The following COL4A4 variants were observed in gnomAD, a reference collection of about 807,000 sequenced individuals.
COL4A4 encodes collagen type IV alpha 4 chain, also known as collagen alpha-4(IV) chain.
COL4A4 carries 105 observed loss-of-function variants against 192.9 expected under a neutral mutation model. That is an observed-to-expected ratio of 0.54 (90% CI 0.46 to 0.64). The LOEUF (loss-of-function observed/expected upper bound fraction) is 0.64. COL4A4 is among the 30% of genes least tolerant of loss of function. COL4A4 has a pLI of 0.00. For missense variants in COL4A4, 1,967 were observed against 2,169.3 expected (o/e 0.91, Z 1.85); for synonymous variants, 762 against 769.9 (o/e 0.99, Z 0.17).
At position 227,050,858 on chromosome 2, in the gene COL4A4, A is replaced by G. The variant is rs943807249; in HGVS notation, c.3150+119T>C. ...ATTTTCTCCTTGAGCTACACCTTAC[A>G]TTCTAAAAGCCAGTGAAAGGGCAAT... On this transcript the variant is annotated intron_variant, in intron 33 of 47. Coordinates refer to ENST00000396625, the MANE Select transcript of COL4A4 (RefSeq NM_000092.5). 1.6e-5 allele frequency: 19 copies of G among 1,206,490 alleles called. No individual in the cohort carries two copies. In the African/African-American group the frequency reaches 2.1e-4, roughly 13 times the overall value. 74.7% of individuals were successfully genotyped at this position (1,206,490 alleles called of 1,614,324 possible). A position where few individuals can be genotyped will look rare whatever the true frequency, so the allele number is the denominator to read the frequency against.
the COL4A4 span, chr2:226,969,195 C>T: frequency 6.6e-6 from 1 of 152,210 alleles, no homozygotes; most frequent in Non-Finnish European, 1.5e-5. Flanking sequence ...TGATAAAAAC[C>T]GAAGGCTCGG....
rs771245112 is a variant in COL4A4 at position 227,088,717 on chromosome 2, G to A, written c.1559C>T (p.Pro520Leu). ...RQGSKGDLGLPGWLGTKGDPG... is the reference protein window; with the variant it reads ...RQGSKGDLGLLGWLGTKGDPG... ...GTCACCTTTTGTTCCAAGCCAGCCA[G>A]GGAGCCCCAAGTCTCCCTTACTCCC... Residue 520 changes from proline (P) to leucine (L), a missense_variant, in exon 22 of 48, where the codon CCT becomes CTT. Coordinates refer to ENST00000396625, the MANE Select transcript of COL4A4 (RefSeq NM_000092.5). The A allele has an allele frequency of 4.3e-6, 7 of 1,614,152 alleles. No individual in the cohort carries two copies. The highest frequency in any genetic ancestry group is 8.5e-7 in the Non-Finnish European group (1 of 1,180,018).
At chr2:227,020,717 G>A (rs373017023) in intron 44 of COL4A4, among the ~76,000 whole-genome samples, 153 of 152,178 alleles carry the variant, frequency 1.0e-3, no homozygotes, top group African/African-American at 3.7e-3. Flanking sequence ...CCTTTTCAAA[G>A]AATTTGCCCA....
Position 227,005,929 on chromosome 2 carries a change from CT to C in COL4A4, c.*1395del, listed in dbSNP as rs1014795544. 6.6e-6 allele frequency: 1 copy of C among 152,142 alleles called. No homozygotes were observed. The highest frequency in any genetic ancestry group is 2.4e-5 in the African/African-American group (1 of 41,428). 9.4% of individuals were successfully genotyped at this position (152,142 alleles called of 1,614,324 possible). On this transcript the variant is annotated 3_prime_UTR_variant, in exon 48 of 48. Transcript: ENST00000396625. ...TTCCTAGCAAAACAGAAAAAGGGATCTTTTGCTTTACAGAAAAAAATAATCA... is the reference window on the plus strand; with the variant it reads ...TTCCTAGCAAAACAGAAAAAGGGATCTTTGCTTTACAGAAAAAAATAATCA...
At chr2:227,088,139 CT>C (rs1040989509) in intron 22 of COL4A4, among the ~76,000 whole-genome samples, 3 of 152,198 alleles carry the variant, frequency 2.0e-5, no homozygotes, top group Non-Finnish European at 2.9e-5. Context: ...AGTAAATAAA[CT>C]GTTTTTGCAG....
intron 4 of COL4A4, among the ~76,000 whole-genome samples, chr2:227,127,714 C>T (rs1404873258): frequency 1.3e-5 from 2 of 152,108 alleles, no homozygotes; most frequent in Non-Finnish European, 2.9e-5. Context: ...TCTAAGAAAT[C>T]GTTTGTCATT....
intron 16 of COL4A4, 104 bp from the exon 17 acceptor site, chr2:227,101,661 A>T: frequency 8.1e-7 from 1 of 1,232,746 alleles, no homozygotes; most frequent in Non-Finnish European, 1.2e-6. Context: ...GAGACCATGC[A>T]AAGTCTTAAC....
intron 27 of COL4A4, 78 bp downstream of exon 27, chr2:227,060,058 C>G: frequency 1.1e-6 from 1 of 884,422 alleles, no homozygotes; most frequent in Non-Finnish European, 1.7e-6. Flanking sequence ...AATTATCCAT[C>G]GGTAGAAATG....
chr2:227,033,550 C>T, intron 37 of COL4A4, 69 bp from the exon 38 acceptor site: 1 of 1,377,054 alleles, frequency 7.3e-7, no homozygotes, highest in South Asian at 1.2e-5. Context: ...GCCACAAACG[C>T]AGGCACTGCC....
chr2:227,102,012 G>T, intron 15 of COL4A4, 103 bp from the exon 16 acceptor site: 1 of 786,242 alleles, frequency 1.3e-6, no homozygotes, highest in Non-Finnish European at 2.1e-6. Flanking sequence ...ATGGATATTT[G>T]GTCCTGTTTG....
intron 15 of COL4A4, among the ~76,000 whole-genome samples, chr2:227,102,309 C>T (rs1042257804): frequency 1.3e-5 from 2 of 152,160 alleles, no homozygotes; most frequent in African/African-American, 4.8e-5. Context: ...CCAATATTTC[C>T]CCATTCAGTA....
rs748786524 is a variant in COL4A4 at position 227,027,902 on chromosome 2, C to A, written c.4081G>T (p.Gly1361Cys). The change falls in exon 42 of 48, where the codon GGT (glycine) becomes TGT (cysteine). Residue 1361 changes from glycine to cysteine, a missense_variant and splice_region_variant. By Grantham distance (159) the Gly-to-Cys change is radical (BLOSUM62 -3). Coordinates refer to ENST00000396625, the MANE Select transcript of COL4A4 (RefSeq NM_000092.5). ...PGRKGPTGLPGPRGEPGPPAD... is the reference protein window; with the variant it reads ...PGRKGPTGLPCPRGEPGPPAD... ...TGCTGTATGTAGGTTGGAAGCTCAC[C>A]CGGAAGACCAGTGGGCCCTTTTCTC... 2 of 1,606,926 alleles carry A rather than the reference C, an allele frequency of 1.2e-6. No individual in the cohort carries two copies. Among genetic ancestry groups the A allele is most frequent in the African/African-American group, 2.7e-5 (2 of 74,808 alleles).
the COL4A4 span, among the ~76,000 whole-genome samples, chr2:226,988,156 T>C: frequency 6.6e-6 from 1 of 152,194 alleles, no homozygotes; most frequent in South Asian, 2.1e-4. Context: ...TTAAACACTC[T>C]TGCCCTCACT....
chr2:227,148,388 A>C (rs988827049), intron 1 of COL4A4, among the ~76,000 whole-genome samples: 1 of 152,260 alleles, frequency 6.6e-6, no homozygotes, highest in Admixed American at 6.5e-5. Context: ...GTGCCAAGTG[A>C]AAGAAGCCAC....
chr2:227,024,075 GACACAGCTTAC>G (rs1966557110), intron 43 of COL4A4, among the ~76,000 whole-genome samples: 1 of 152,000 alleles, frequency 6.6e-6, no homozygotes, highest in Non-Finnish European at 1.5e-5. Context: ...CTTCTGTGGT[GACACAGCTTAC>G]ACACAGCAGA....
chr2:226,996,451 C>A, the COL4A4 span: 6 of 152,248 alleles, frequency 3.9e-5, no homozygotes, highest in African/African-American at 1.2e-4. Context: ...CGCCACGTTA[C>A]AATCCACAGA....
chr2:227,116,698 G>T (rs888598106), intron 7 of COL4A4, among the ~76,000 whole-genome samples: 4 of 152,202 alleles, frequency 2.6e-5, no homozygotes, highest in African/African-American at 9.7e-5. Flanking sequence ...ACTATTTGCA[G>T]CCAGAGGAAC....
chr2:227,150,878 C>T (rs1576899079), intron 1 of COL4A4, among the ~76,000 whole-genome samples: 1 of 150,348 alleles, frequency 6.7e-6, no homozygotes, highest in Non-Finnish European at 1.5e-5. Context: ...TGGGTGGGGA[C>T]ACAGAGCCAA....
intron 4 of COL4A4, 130 bp downstream of exon 4, chr2:227,140,031 T>C: frequency 1.3e-6 from 1 of 764,210 alleles, no homozygotes; most frequent in Non-Finnish European, 2.3e-6. Context: ...TGTGAAAAAC[T>C]TCGGCTGTGA....
Sources: allele counts gnomAD v4.1 joint callset (sites outside exome capture counted in the v4.1 genomes callset), GRCh38; gene constraint gnomAD v4.1.1; transcripts MANE v1.5; gene names NCBI Gene and HGNC (gene_info 2026-07-23, HGNC 2026-07-21).